Variants in MARCHF1 observed in about 807,000 individuals in gnomAD.
MARCHF1 encodes E3 ubiquitin-protein ligase MARCHF1.
Under a neutral mutation model 54.2 loss-of-function variants are expected in MARCHF1, and 40 were observed. The observed-to-expected ratio is 0.74, with a 90% CI of 0.57 to 0.96. The LOEUF (loss-of-function observed/expected upper bound fraction) is 0.96. Among genes scored for constraint, MARCHF1 ranks in the 40% least tolerant of loss-of-function variants. The pLI, the probability that MARCHF1 is intolerant of heterozygous loss-of-function variation, is 0.00. For missense variants in MARCHF1, 586 were observed against 656.5 expected, an observed-to-expected ratio of 0.89 and a Z score of 1.17; for synonymous variants, 236 against 236.3, an observed-to-expected ratio of 1.00 and a Z score of 0.01.
intron 5 of MARCHF1, among the ~76,000 whole-genome samples, chr4:163,649,931 T>TTCC (rs977181715): frequency 3.9e-5 from 6 of 152,008 alleles, no homozygotes; most frequent in African/African-American, 1.4e-4. Flanking sequence ...TTTACATTTA[T>TTCC]GAGAAGGTGA....
chr4:163,563,532 C>T (rs1739541000), intron 8 of MARCHF1, among the ~76,000 whole-genome samples: 1 of 152,198 alleles, frequency 6.6e-6, no homozygotes, highest in African/African-American at 2.4e-5. Flanking sequence ...AATGATCCCT[C>T]CCTACCCTGA....
intron 4 of MARCHF1, among the ~76,000 whole-genome samples, chr4:163,802,055 G>A (rs183596812): frequency 6.6e-6 from 1 of 152,180 alleles, no homozygotes; most frequent in East Asian, 1.9e-4. Flanking sequence ...AACTGTTGAA[G>A]CATCAATGAT....
At chr4:163,615,883 AG>A in intron 5 of MARCHF1, among the ~76,000 whole-genome samples, 1 of 152,178 alleles carries the variant, frequency 6.6e-6, no homozygotes, top group Non-Finnish European at 1.5e-5. Flanking sequence ...ACAGACACAT[AG>A]ACCCATGGAA....
chr4:163,568,047 T>G (rs752099209), intron 8 of MARCHF1, among the ~76,000 whole-genome samples: 2 of 152,150 alleles, frequency 1.3e-5, no homozygotes, highest in Non-Finnish European at 2.9e-5. Flanking sequence ...GACGGCTCAT[T>G]AATATTACAG....
intron 2 of MARCHF1, among the ~76,000 whole-genome samples, chr4:164,002,222 A>C (rs1753198617): frequency 2.0e-5 from 3 of 151,732 alleles, no homozygotes; most frequent in South Asian, 4.1e-4. Flanking sequence ...AAGAAGAAGA[A>C]AATGTAATTC....
chr4:163,607,990 A>G (rs963719028), intron 7 of MARCHF1, among the ~76,000 whole-genome samples: 4 of 152,156 alleles, frequency 2.6e-5, no homozygotes, highest in Admixed American at 2.6e-4. Flanking sequence ...GCAGTCCAAC[A>G]TACAGTGCTA....
At chr4:163,942,664 C>G (rs1178462150) in intron 3 of MARCHF1, among the ~76,000 whole-genome samples, 1 of 152,154 alleles carries the variant, frequency 6.6e-6, no homozygotes, top group African/African-American at 2.4e-5. Flanking sequence ...AAGGGATATG[C>G]ATCTTCAATA....
intron 4 of MARCHF1, among the ~76,000 whole-genome samples, chr4:163,766,328 G>T (rs1002037366): frequency 6.6e-6 from 1 of 151,982 alleles, no homozygotes; most frequent in African/African-American, 2.4e-5. Flanking sequence ...GTCCTATAAT[G>T]CTTATGTAAA....
intron 2 of MARCHF1, among the ~76,000 whole-genome samples, chr4:164,083,066 C>T (rs925549709): frequency 2.0e-5 from 3 of 152,122 alleles, no homozygotes; most frequent in African/African-American, 7.2e-5. Flanking sequence ...GGAAGGTCTA[C>T]CCATGTACCA....
rs190001250 is a variant in MARCHF1, at chr4:164,113,474, G to A, written c.-322-1812C>T. On this transcript the variant is annotated intron_variant, in intron 1 of 9. Coordinates refer to ENST00000514618, the MANE Select transcript of MARCHF1 (RefSeq NM_001394959.1). ...AAAGAAAGGAAAAGAGAGAGGGAGG[G>A]AAAGATAAAGAAAAAGAGGAAAGAA... 1.1e-3 allele frequency among the ~76,000 whole-genome samples: 166 copies of A among 152,046 alleles called. 1 individual carries two copies. The Middle Eastern group carries it at 0.027, about 25-fold the overall frequency.
rs1474761042 is a variant in MARCHF1 at position 164,146,554 on chromosome 4, GA to G, written c.-322-34893del. Among the ~76,000 whole-genome samples the G allele has an allele frequency of 2.2e-4, 34 of 152,162 alleles. No individual in the cohort carries two copies. In the South Asian group the frequency reaches 6.9e-3, roughly 31 times the overall value. ...AGTATCTGATCTTTGACAAACCTGA[GA>G]AAAACAAGCAATGGGGAAAGGATTC... On this transcript the variant is annotated intron_variant, in intron 1 of 9. Transcript: ENST00000514618.
intron 3 of MARCHF1, among the ~76,000 whole-genome samples, chr4:163,925,771 T>C (rs958375704): frequency 2.0e-5 from 3 of 151,734 alleles, no homozygotes; most frequent in African/African-American, 7.2e-5. Flanking sequence ...TTGGGTGGTG[T>C]AGCTGAATTA....
intron 4 of MARCHF1, among the ~76,000 whole-genome samples, chr4:163,734,467 A>C (rs1745974145): frequency 6.6e-6 from 1 of 152,058 alleles, no homozygotes; most frequent in Non-Finnish European, 1.5e-5. Flanking sequence ...CTTATTTATC[A>C]ACAAAAATGA....
At chr4:163,854,903 G>A (rs1256495827) in intron 3 of MARCHF1, among the ~76,000 whole-genome samples, 3 of 152,204 alleles carry the variant, frequency 2.0e-5, no homozygotes, top group African/African-American at 7.2e-5. Context: ...TGTTTCCCCT[G>A]TAAAGTTTTA....
chr4:163,940,972 T>C (rs1397982077), intron 3 of MARCHF1, among the ~76,000 whole-genome samples: 1 of 152,086 alleles, frequency 6.6e-6, no homozygotes, highest in Non-Finnish European at 1.5e-5. Flanking sequence ...AGTAGTAAAT[T>C]TGGGGAGACA....
intron 4 of MARCHF1, among the ~76,000 whole-genome samples, chr4:163,738,654 A>T (rs1483672261): frequency 6.6e-6 from 1 of 152,206 alleles, no homozygotes; most frequent in Non-Finnish European, 1.5e-5. Flanking sequence ...ATGCTGGGTG[A>T]TTAACATGTT....
intron 3 of MARCHF1, among the ~76,000 whole-genome samples, chr4:163,950,061 A>G (rs1294655716): frequency 6.6e-6 from 1 of 152,174 alleles, no homozygotes; most frequent in Non-Finnish European, 1.5e-5. Flanking sequence ...AAGCACCATA[A>G]GTTCTCACTC....
At chr4:164,069,014 G>C (rs1468008384) in intron 2 of MARCHF1, among the ~76,000 whole-genome samples, 1 of 152,146 alleles carries the variant, frequency 6.6e-6, no homozygotes, top group Non-Finnish European at 1.5e-5. Flanking sequence ...TTTGTGTCTA[G>C]CTAAGGGATT....
chr4:164,281,162 T>C (rs1033081338), intron 1 of MARCHF1, among the ~76,000 whole-genome samples: 13 of 152,170 alleles, frequency 8.5e-5, no homozygotes, highest in African/African-American at 3.1e-4. Flanking sequence ...CAAAATTAGA[T>C]TCATGGCATA....
Sources: gnomAD v4.1 joint callset for allele counts (sites outside exome capture counted in the v4.1 genomes callset) on GRCh38, gnomAD v4.1.1 for gene constraint, MANE v1.5 for transcripts, NCBI Gene and HGNC (gene_info 2026-07-23, HGNC 2026-07-21) for gene names.